The following LRRC37A2 variants were observed in gnomAD, a reference collection of about 807,000 sequenced individuals.
LRRC37A2 encodes leucine-rich repeat-containing protein 37A2.
Under a neutral mutation model 68.8 loss-of-function variants are expected in LRRC37A2, and 9 were observed. That is an observed-to-expected ratio of 0.13 (90% confidence interval 0.08 to 0.23). The LOEUF (loss-of-function observed/expected upper bound fraction) is 0.23. Among genes scored for constraint, LRRC37A2 ranks in the 10% least tolerant of loss-of-function variants. The probability of loss-of-function intolerance (pLI) is 1.00; values close to 1 mark genes in which losing one functional copy is unlikely to be tolerated. For missense variants in LRRC37A2, 168 were observed against 950.4 expected (o/e 0.18, Z 10.82); for synonymous variants, 63 against 367.6 (o/e 0.17, Z 9.48).
At chr17:46,796,223 G>C in the LRRC37A2 span, among the ~76,000 whole-genome samples, 1 of 152,178 alleles carries the variant, frequency 6.6e-6, no homozygotes, top group Non-Finnish European at 1.5e-5. Context: ...CGGGGAGGAA[G>C]AATTGAAATG....
At chr17:46,800,847 G>A in the LRRC37A2 span, among the ~76,000 whole-genome samples, 1 of 152,174 alleles carries the variant, frequency 6.6e-6, no homozygotes, top group Non-Finnish European at 1.5e-5. Context: ...CTGGGGCCGC[G>A]GTGCTGAGGG....
At chr17:46,710,184 G>A in the LRRC37A2 span, among the ~76,000 whole-genome samples, 1 of 152,140 alleles carries the variant, frequency 6.6e-6, no homozygotes, top group African/African-American at 2.4e-5. Context: ...ATCTTTACAT[G>A]TAGTAGGTTA....
chr17:46,885,100 C>T, the LRRC37A2 span: 84 of 431,888 alleles, frequency 1.9e-4, no homozygotes, highest in South Asian at 1.2e-3. Context: ...GCGATTCTCC[C>T]GTCTCAGCTG....
chr17:47,023,837 C>G, the LRRC37A2 span, among the ~76,000 whole-genome samples: 6 of 152,118 alleles, frequency 3.9e-5, no homozygotes, highest in Non-Finnish European at 8.8e-5. Flanking sequence ...GTGGGTGATT[C>G]ACACACCTTG....
chr17:46,769,915 G>C, the LRRC37A2 span: 1 of 1,613,456 alleles, frequency 6.2e-7, no homozygotes, highest in Non-Finnish European at 8.5e-7. Flanking sequence ...CCCACTTCCA[G>C]CCTTCGCCAG....
the LRRC37A2 span, among the ~76,000 whole-genome samples, chr17:46,873,337 G>A: frequency 1.3e-5 from 2 of 151,072 alleles, no homozygotes; most frequent in Non-Finnish European, 2.9e-5. Flanking sequence ...GAGGCCCATA[G>A]TGAGCCAGGC....
the LRRC37A2 span, among the ~76,000 whole-genome samples, chr17:46,786,235 G>C: frequency 1.3e-5 from 2 of 152,156 alleles, no homozygotes; most frequent in Non-Finnish European, 2.9e-5. Flanking sequence ...GAGGGGACAA[G>C]AGGTGAGAGG....
the LRRC37A2 span, among the ~76,000 whole-genome samples, chr17:47,007,203 A>G: frequency 2.6e-5 from 4 of 152,160 alleles, no homozygotes; most frequent in South Asian, 8.3e-4. Flanking sequence ...CCTTCGACAG[A>G]GTCTTGCTCT....
the LRRC37A2 span, chr17:46,750,043 T>C: frequency 5.7e-5 from 55 of 969,972 alleles, no homozygotes; most frequent in South Asian, 1.1e-3. Context: ...ACAGGTTGTA[T>C]ATACCTTATC....
the LRRC37A2 span, among the ~76,000 whole-genome samples, chr17:46,601,845 T>C: frequency 3.3e-5 from 5 of 150,998 alleles, no homozygotes; most frequent in African/African-American, 9.9e-5. Context: ...CTTTTCCGTA[T>C]GAATTCTGGG....
the LRRC37A2 span, among the ~76,000 whole-genome samples, chr17:46,871,567 C>T: frequency 2.0e-5 from 3 of 152,162 alleles, no homozygotes; most frequent in African/African-American, 7.2e-5. Flanking sequence ...GAAGGTAGGC[C>T]TGCTTGTCCC....
chr17:46,981,562 C>T, the LRRC37A2 span, among the ~76,000 whole-genome samples: 1 of 152,170 alleles, frequency 6.6e-6, no homozygotes. Context: ...AAATTAATTT[C>T]TATTTATAAA....
At chr17:46,502,944 G>T in the LRRC37A2 span, among the ~76,000 whole-genome samples, 2 of 150,614 alleles carry the variant, frequency 1.3e-5, no homozygotes, top group African/African-American at 5.0e-5. Context: ...CAGGCGTGGT[G>T]GCTCACGCCT....
chr17:46,876,040 T>C, the LRRC37A2 span, among the ~76,000 whole-genome samples: 2 of 151,778 alleles, frequency 1.3e-5, no homozygotes, highest in Non-Finnish European at 1.5e-5. Context: ...AGTCACTCAG[T>C]TGGTGTGAAC....
the LRRC37A2 span, among the ~76,000 whole-genome samples, chr17:46,493,015 T>A: frequency 1.4e-5 from 2 of 147,062 alleles, no homozygotes; most frequent in African/African-American, 5.2e-5. Flanking sequence ...TTTTTTTTTT[T>A]TGGCCACCTT....
the LRRC37A2 span, among the ~76,000 whole-genome samples, chr17:46,983,127 G>C: frequency 1.4e-3 from 207 of 152,170 alleles, no homozygotes; most frequent in African/African-American, 4.6e-3. Flanking sequence ...TCCTGGGCTG[G>C]TGCTGTAGGT....
chr17:46,780,115 G>A, the LRRC37A2 span, among the ~76,000 whole-genome samples: 2 of 152,218 alleles, frequency 1.3e-5, no homozygotes, highest in East Asian at 3.8e-4. Flanking sequence ...CCTGGATGCT[G>A]CATTGACTTA....
At chr17:46,875,769 G>A in the LRRC37A2 span, among the ~76,000 whole-genome samples, 1 of 152,208 alleles carries the variant, frequency 6.6e-6, no homozygotes, top group Non-Finnish European at 1.5e-5. Context: ...CCATTTTATG[G>A]GTGGGAAGAT....
At chr17:46,883,588 G>A in the LRRC37A2 span, among the ~76,000 whole-genome samples, 1 of 152,146 alleles carries the variant, frequency 6.6e-6, no homozygotes, top group Non-Finnish European at 1.5e-5. Flanking sequence ...CCTGGCCTAT[G>A]ATCCCCATTT....
Sources: allele counts gnomAD v4.1 joint callset (sites outside exome capture counted in the v4.1 genomes callset), GRCh38; gene constraint gnomAD v4.1.1; transcripts MANE v1.5; gene names NCBI Gene and HGNC (gene_info 2026-07-23, HGNC 2026-07-21).